The following SCCPDH variants were observed in gnomAD, a reference collection of about 807,000 sequenced individuals.
The protein encoded by SCCPDH is saccharopine dehydrogenase (putative).
Under a neutral mutation model 51.5 loss-of-function variants are expected in SCCPDH, and 34 were observed. The observed-to-expected ratio is 0.66, with a 90% CI of 0.50 to 0.88. SCCPDH has a LOEUF of 0.88. Ranked by LOEUF, SCCPDH falls within the 40% of genes least tolerant of loss-of-function variation. SCCPDH has a pLI of 0.00. For synonymous variants in SCCPDH, 187 were observed against 191.3 expected (o/e 0.98, Z 0.19); for missense variants, 464 against 527.1 (o/e 0.88, Z 1.17).
intron 5 of SCCPDH, chr1:246,755,853 C>T (rs1668922920): frequency 6.6e-6 from 1 of 152,204 alleles, no homozygotes; most frequent in African/African-American, 2.4e-5. Flanking sequence ...TAGAATTCCT[C>T]CTCCCAGCAG....
chr1:246,726,438 A>G (rs1298148947), intron 1 of SCCPDH, among the ~76,000 whole-genome samples: 5 of 150,706 alleles, frequency 3.3e-5, no homozygotes, highest in Non-Finnish European at 7.4e-5. Flanking sequence ...AGGTCTTGCT[A>G]TGTTGCCCAA....
intron 4 of SCCPDH, 69 bp from the exon 5 acceptor site, chr1:246,744,007 A>T: frequency 1.1e-6 from 1 of 942,812 alleles, no homozygotes; most frequent in African/African-American, 1.6e-5. Context: ...CGCATTGTTT[A>T]TTATTACTTA....
At position 246,767,321 on chromosome 1, in the gene SCCPDH, A is replaced by G; in HGVS notation, c.*21A>G. On this transcript the variant is annotated 3_prime_UTR_variant, in exon 12 of 12. Transcript: ENST00000366510. ...TCTAAACACTGGAAGAATTAACTGA[A>G]GTCATAACGTGCGTGAATTAACAGC... 2 of 1,435,710 alleles carry G rather than the reference A, an allele frequency of 1.4e-6. No homozygotes were observed. Among genetic ancestry groups the G allele is most frequent in the East Asian group, 2.4e-5 (1 of 41,404 alleles). The allele number at this position is 1,435,710 out of a possible 1,614,324, so 88.9% of individuals were successfully genotyped here. A position where few individuals can be genotyped will look rare whatever the true frequency, so the allele number is the denominator to read the frequency against.
chr1:246,753,085 CCTT>C (rs1460943026), intron 5 of SCCPDH, among the ~76,000 whole-genome samples: 1 of 151,502 alleles, frequency 6.6e-6, no homozygotes, highest in African/African-American at 2.4e-5. Context: ...CTCCTTGACT[CCTT>C]CTGTTCCCTG....
At chr1:246,757,883 A>G (rs1423888571) in intron 5 of SCCPDH, among the ~76,000 whole-genome samples, 2 of 152,104 alleles carry the variant, frequency 1.3e-5, no homozygotes, top group Non-Finnish European at 2.9e-5. Context: ...TGCAGATCAT[A>G]TGGGGCAGAA....
chr1:246,744,190 A>T, intron 5 of SCCPDH, 65 bp downstream of exon 5: 1 of 946,290 alleles, frequency 1.1e-6, no homozygotes. Flanking sequence ...GAAATGATAC[A>T]TGTGTCTTTT....
intron 2 of SCCPDH, among the ~76,000 whole-genome samples, chr1:246,728,412 G>A (rs1284584223): frequency 6.6e-6 from 1 of 152,106 alleles, no homozygotes; most frequent in Non-Finnish European, 1.5e-5. Context: ...TCAGTACTCT[G>A]GAAAAATCCC....
chr1:246,743,335 A>G (rs2102984741), intron 4 of SCCPDH, among the ~76,000 whole-genome samples: 1 of 152,276 alleles, frequency 6.6e-6, no homozygotes, highest in East Asian at 1.9e-4. Context: ...CTGAAATCCC[A>G]GCACTTTCAG....
At chr1:246,727,543 T>C (rs967116764) in intron 2 of SCCPDH, among the ~76,000 whole-genome samples, 2 of 152,044 alleles carry the variant, frequency 1.3e-5, no homozygotes, top group Non-Finnish European at 2.9e-5. Context: ...AATAGGATTG[T>C]AATAGGAGGT....
intron 2 of SCCPDH, among the ~76,000 whole-genome samples, chr1:246,735,385 G>A (rs1668550371): frequency 6.6e-6 from 1 of 151,964 alleles, no homozygotes; most frequent in Non-Finnish European, 1.5e-5. Flanking sequence ...ATTTTTATTT[G>A]TTCTTTAGGG....
chr1:246,746,107 CA>C (rs756929255), intron 5 of SCCPDH, among the ~76,000 whole-genome samples: 639 of 79,544 alleles, frequency 8.0e-3, no homozygotes, highest in African/African-American at 0.032. Context: ...GACTCCATCT[CA>C]AAAAAAAAAA....
At chr1:246,738,262 C>T (rs1188600517) in intron 3 of SCCPDH, among the ~76,000 whole-genome samples, 2 of 151,870 alleles carry the variant, frequency 1.3e-5, no homozygotes, top group Non-Finnish European at 2.9e-5. Context: ...CCTGTAATCC[C>T]AGTGCTTTGG....
chr1:246,750,506 T>C (rs778193883), intron 5 of SCCPDH, among the ~76,000 whole-genome samples: 2 of 152,142 alleles, frequency 1.3e-5, no homozygotes, highest in Non-Finnish European at 2.9e-5. Flanking sequence ...GTTAGGTGGC[T>C]TTTTTAGAGT....
chr1:246,767,163 G>A (rs1669097283), intron 11 of SCCPDH, 32 bp from the exon 12 acceptor site: 1 of 1,489,828 alleles, frequency 6.7e-7, no homozygotes, highest in African/African-American at 1.4e-5. Flanking sequence ...GAGGAGCTGA[G>A]TGCACTGTTT....
At position 246,767,198 on chromosome 1, in the gene SCCPDH, C is replaced by G; in HGVS notation, c.1188C>G (p.Gly396=). 2 of 1,604,738 alleles carry G rather than the reference C, an allele frequency of 1.2e-6. No homozygotes were observed. The highest frequency in any genetic ancestry group is 1.7e-6 in the Non-Finnish European group (2 of 1,174,502). ...TTCTCTTGTTATTGTTTTATAGGGG[C>G]GGGGTCTTCACACCTGGAGCAGCTT... ...LSDASHLPKA[G]GVFTPGAAFS... Residue 396 remains glycine, a synonymous_variant, in exon 12 of 12, where the codon GGC becomes GGG. Coordinates refer to ENST00000366510, the MANE Select transcript of SCCPDH (RefSeq NM_016002.3).
At chr1:246,748,085 A>G (rs934343328) in intron 5 of SCCPDH, among the ~76,000 whole-genome samples, 2 of 152,042 alleles carry the variant, frequency 1.3e-5, no homozygotes, top group African/African-American at 4.8e-5. Flanking sequence ...ACTTTTTTTA[A>G]CATGTCTTGG....
At chr1:246,763,445 T>C (rs920583070) in intron 9 of SCCPDH, among the ~76,000 whole-genome samples, 16 of 152,214 alleles carry the variant, frequency 1.1e-4, no homozygotes, top group African/African-American at 3.6e-4. Flanking sequence ...GCATCCCTTC[T>C]TCCCTTTAAA....
At chr1:246,736,171 C>G in intron 3 of SCCPDH, 116 bp downstream of exon 3, 1 of 661,272 alleles carries the variant, frequency 1.5e-6, no homozygotes. Context: ...TCCTTTCTAG[C>G]ATTCAGATAT....
In SCCPDH at chr1:246,758,816, G is replaced by A. The variant is rs539989871; in HGVS notation, c.696-218G>A. Among the ~76,000 whole-genome samples the A allele has an allele frequency of 2.8e-4, 43 of 151,628 alleles. No homozygotes were observed. In the East Asian group the frequency reaches 7.0e-3, roughly 25 times the overall value. ...TTAGGGTTGGGCTGTTGAAAGGAGC[G>A]TTCTGGTTTTTTTTTTCTTTTGAGA... On this transcript the variant is annotated intron_variant, in intron 6 of 11. Transcript: ENST00000366510.
Sources: allele counts gnomAD v4.1 joint callset (sites outside exome capture counted in the v4.1 genomes callset), GRCh38; gene constraint gnomAD v4.1.1; transcripts MANE v1.5; gene names NCBI Gene and HGNC (gene_info 2026-07-23, HGNC 2026-07-21).